RABEP1: variants seen among roughly 807,000 people sequenced by gnomAD.
The protein encoded by RABEP1 is rab GTPase-binding effector protein 1.
Under a neutral mutation model 123.4 loss-of-function variants are expected in RABEP1, and 51 were observed. That is an observed-to-expected ratio of 0.41 (90% confidence interval 0.33 to 0.52). RABEP1 has a LOEUF of 0.52. RABEP1 is among the 20% of genes least tolerant of loss of function. The pLI is 0.16. For synonymous variants in RABEP1, 347 were observed against 355.2 expected (o/e 0.98, Z 0.26); for missense variants, 888 against 996.3 (o/e 0.89, Z 1.46).
rs537860268 is a variant in RABEP1, at chr17:5,362,973, A to G, written c.1625A>G (p.Gln542Arg). Reference sequence around the variant, plus strand: ...GATATGTGTTCCAATTACGAAAAACAGTTACAAGGAATTCAGATTCAGGAG... The same window carrying G: ...GATATGTGTTCCAATTACGAAAAACGGTTACAAGGAATTCAGATTCAGGAG... ...RCDMCSNYEK[Q>R]LQGIQIQEAE... The change falls in exon 10 of 18, where the codon CAG becomes CGG. Residue 542 changes from glutamine to arginine, a missense_variant. Coordinates refer to ENST00000537505, the MANE Select transcript of RABEP1 (RefSeq NM_004703.6). The G allele has an allele frequency of 2.4e-5, 39 of 1,613,978 alleles. No homozygotes were observed. The highest frequency in any genetic ancestry group is 3.3e-5 in the South Asian group (3 of 91,090).
rs936520745 is a variant in RABEP1 at position 5,309,407 on chromosome 17, T to C, written c.163+585T>C. ...GCTCACACCTGTAATCCCAGCACTTTGGGAGGCCAACGGGCGGGGGCGGAT... is the reference window on the plus strand; with the variant it reads ...GCTCACACCTGTAATCCCAGCACTTCGGGAGGCCAACGGGCGGGGGCGGAT... On this transcript the variant is annotated intron_variant, in intron 2 of 17. Coordinates refer to ENST00000537505, the MANE Select transcript of RABEP1 (RefSeq NM_004703.6). 2.6e-5 allele frequency among the ~76,000 whole-genome samples: 4 copies of C among 152,202 alleles called. 1 individual carries two copies. In the East Asian group the frequency reaches 7.7e-4, roughly 29 times the overall value.
intron 2 of RABEP1, among the ~76,000 whole-genome samples, chr17:5,315,040 C>T (rs187859872): frequency 5.9e-5 from 9 of 152,282 alleles, no homozygotes; most frequent in Admixed American, 5.2e-4. Flanking sequence ...TAGCTAATCA[C>T]CAGAGGACAC....
In RABEP1 at chr17:5,374,127, CA is replaced by C. The variant is rs1324504425; in HGVS notation, c.2025+674del. ...TGTCACCCAGGCTGGAGTGCAATGG[CA>C]TCATCTCTGCTCACTGCAACCTCCG... On this transcript the variant is annotated intron_variant, in intron 13 of 17. Transcript: ENST00000537505. Among the ~76,000 whole-genome samples the C allele has an allele frequency of 5.9e-3, 898 of 151,752 alleles. 6 individuals carry two copies. The highest frequency in any genetic ancestry group is 0.021 in the African/African-American group (850 of 41,206).
At position 5,385,304 on chromosome 17, in the gene RABEP1, T is replaced by C. The variant is rs1911857680; in HGVS notation, c.*2081T>C. Reference sequence around the variant, plus strand: ...TGTAGAAGGCAGGATTTAGCCCTTCTAGGCAAAAGAAAAGCTCAGTTGGGT... The same window carrying C: ...TGTAGAAGGCAGGATTTAGCCCTTCCAGGCAAAAGAAAAGCTCAGTTGGGT... On this transcript the variant is annotated 3_prime_UTR_variant, in exon 18 of 18. Coordinates refer to ENST00000537505, the MANE Select transcript of RABEP1 (RefSeq NM_004703.6). The C allele has an allele frequency of 4.3e-6, 1 of 231,042 alleles. No homozygotes were observed. Among genetic ancestry groups the C allele is most frequent in the Non-Finnish European group, 8.6e-6 (1 of 116,764 alleles). The allele number at this position is 231,042 out of a possible 1,614,324, so 14.3% of individuals were successfully genotyped here.
intron 1 of RABEP1, among the ~76,000 whole-genome samples, chr17:5,285,961 G>A (rs1432321589): frequency 6.6e-6 from 1 of 152,196 alleles, no homozygotes; most frequent in East Asian, 1.9e-4. Flanking sequence ...TATAAGCAGT[G>A]TTGTAATGGA....
At chr17:5,299,904 A>G (rs2075121425) in intron 1 of RABEP1, among the ~76,000 whole-genome samples, 1 of 150,532 alleles carries the variant, frequency 6.6e-6, no homozygotes, top group Admixed American at 6.6e-5. Context: ...TAATTTTTGT[A>G]TTTTTAGTAG....
intron 2 of RABEP1, among the ~76,000 whole-genome samples, chr17:5,320,273 A>G (rs1056480383): frequency 1.3e-5 from 2 of 152,116 alleles, no homozygotes; most frequent in African/African-American, 4.8e-5. Flanking sequence ...TAAGAATTGT[A>G]TATCCAACAA....
In RABEP1 at chr17:5,386,339, A is replaced by C; in HGVS notation, c.*3116A>C. On this transcript the variant is annotated 3_prime_UTR_variant, in exon 18 of 18. Transcript: ENST00000537505. ...ATTTATATGGATTCTTAAGAATTTA[A>C]ACTGGTAATGTTGAAACATCTAAGA... is the stretch of plus-strand genomic sequence containing the variant. 1 of 1,208,852 alleles carries C rather than the reference A, an allele frequency of 8.3e-7. No individual in the cohort carries two copies. Among genetic ancestry groups the C allele is most frequent in the East Asian group, 2.4e-5 (1 of 41,926 alleles). The allele number at this position is 1,208,852 out of a possible 1,614,324, so 74.9% of individuals were successfully genotyped here. A position where few individuals can be genotyped will look rare whatever the true frequency, so the allele number is the denominator to read the frequency against.
At chr17:5,373,170 C>T (rs1910659890) in intron 12 of RABEP1, 144 bp from the exon 13 acceptor site, 10 of 615,648 alleles carry the variant, frequency 1.6e-5, no homozygotes, top group Non-Finnish European at 2.6e-5. Flanking sequence ...AATCTCTGTG[C>T]AGCTTTTTCT....
At chr17:5,377,644 A>T (rs939316571) in intron 14 of RABEP1, among the ~76,000 whole-genome samples, 3 of 148,860 alleles carry the variant, frequency 2.0e-5, no homozygotes, top group Non-Finnish European at 4.4e-5. Flanking sequence ...CTGCTGCCTC[A>T]GCCTCCCGAG....
intron 1 of RABEP1, among the ~76,000 whole-genome samples, chr17:5,304,320 C>T (rs562937427): frequency 6.6e-6 from 1 of 152,114 alleles, no homozygotes; most frequent in Non-Finnish European, 1.5e-5. Flanking sequence ...TGGCTCACAC[C>T]GGTAATCCTA....
Position 5,363,029 on chromosome 17 carries a change from T to C in RABEP1, c.1668+13T>C, listed in dbSNP as rs1462653615. ...AACGAGAGACCAGGTGAGTTTCTTC[T>C]GGATGCGCCAAATTGGATATTGTCG... On this transcript the variant is annotated intron_variant, in intron 10 of 17. Transcript: ENST00000537505. The C allele has an allele frequency of 1.3e-6, 2 of 1,578,600 alleles. No individual in the cohort carries two copies. The highest frequency in any genetic ancestry group is 1.7e-4 in the Middle Eastern group (1 of 6,006).
In RABEP1 at chr17:5,282,440, C is replaced by T. The variant is rs1366039589; in HGVS notation, c.-47C>T. The T allele has an allele frequency of 7.6e-7, 1 of 1,320,018 alleles. No homozygotes were observed. The highest frequency in any genetic ancestry group is 9.9e-7 in the Non-Finnish European group (1 of 1,014,100). 81.8% of individuals were successfully genotyped at this position (1,320,018 alleles called of 1,614,324 possible). A position where few individuals can be genotyped will look rare whatever the true frequency, so the allele number is the denominator to read the frequency against. On this transcript the variant is annotated 5_prime_UTR_variant, in exon 1 of 18. It adds an upstream start codon to the 5' untranslated region. Transcript: ENST00000537505. ...CAGCTGAGCCCGCGGGAGCCCAGGA[C>T]GCCGCTTCCCCGCCCATCCCCGCTC...
chr17:5,315,894 C>T (rs913167208), intron 2 of RABEP1, among the ~76,000 whole-genome samples: 2 of 151,970 alleles, frequency 1.3e-5, no homozygotes, highest in African/African-American at 4.8e-5. Flanking sequence ...CATACCTTGA[C>T]ACATCTTTTG....
intron 1 of RABEP1, among the ~76,000 whole-genome samples, chr17:5,292,682 C>G (rs2075044548): frequency 1.3e-5 from 2 of 151,976 alleles, no homozygotes. Context: ...CTGCACCTGG[C>G]CTTTATTTAT....
chr17:5,383,398 G>A lies in RABEP1; in HGVS notation c.*175G>A, dbSNP rs944329572. On this transcript the variant is annotated 3_prime_UTR_variant, in exon 18 of 18. Transcript: ENST00000537505. ...TGCGGCACAGGAAACAGCAAACAGT[G>A]GGGTGATCTGCAGCCCAGAGACCTT... 11 of 586,472 alleles carry A rather than the reference G, an allele frequency of 1.9e-5. No homozygotes were observed. Among genetic ancestry groups the A allele is most frequent in the Non-Finnish European group, 3.0e-5 (10 of 331,096 alleles). 36.3% of individuals were successfully genotyped at this position (586,472 alleles called of 1,614,324 possible).
At position 5,383,504 on chromosome 17, in the gene RABEP1, T is replaced by C. The variant is rs576891717; in HGVS notation, c.*281T>C. 5.2e-6 allele frequency: 2 copies of C among 386,740 alleles called. No individual in the cohort carries two copies. Among genetic ancestry groups the C allele is most frequent in the Non-Finnish European group, 9.5e-6 (2 of 209,914 alleles). 24.0% of individuals were successfully genotyped at this position (386,740 alleles called of 1,614,324 possible). ...TGGTGATGGAAAAAGCGCTGTTTCCTTGCCTGCTTTCTCCAAGACAGATTT... is the reference window on the plus strand; with the variant it reads ...TGGTGATGGAAAAAGCGCTGTTTCCCTGCCTGCTTTCTCCAAGACAGATTT... On this transcript the variant is annotated 3_prime_UTR_variant, in exon 18 of 18. Coordinates refer to ENST00000537505, the MANE Select transcript of RABEP1 (RefSeq NM_004703.6).
At chr17:5,320,421 C>CAAAAAAAAAAAAAA (rs60202531) in intron 2 of RABEP1, among the ~76,000 whole-genome samples, 1 of 84,652 alleles carries the variant, frequency 1.2e-5, no homozygotes, top group African/African-American at 4.3e-5. Context: ...GCTAACACAC[C>CAAAAAAAAAAAAAA]AAAAAAAAAA....
Position 5,362,866 on chromosome 17 carries a change from T to C in RABEP1, c.1564-46T>C, listed in dbSNP as rs752860089. 5.7e-5 allele frequency: 69 copies of C among 1,220,388 alleles called. No homozygotes were observed. The Middle Eastern group carries it at 9.3e-4, about 16-fold the overall frequency. 75.6% of individuals were successfully genotyped at this position (1,220,388 alleles called of 1,614,324 possible). ...ATGCACGTGTACCTCAAGTGTGTGA[T>C]GTAGAATTGTTTTGCCTGATAAGAG... On this transcript the variant is annotated intron_variant, in intron 9 of 17. Transcript: ENST00000537505.
Sources: gnomAD v4.1 joint callset for allele counts (sites outside exome capture counted in the v4.1 genomes callset) on GRCh38, gnomAD v4.1.1 for gene constraint, MANE v1.5 for transcripts, NCBI Gene and HGNC (gene_info 2026-07-23, HGNC 2026-07-21) for gene names.